Variants in ALK observed in about 807,000 individuals in gnomAD.
ALK encodes the protein ALK tyrosine kinase receptor.
In ALK, 74 loss-of-function variants were observed where a neutral mutation model predicts 163.1. That is an observed-to-expected ratio of 0.45 (90% CI 0.38 to 0.55). The LOEUF is 0.55. Among genes scored for constraint, ALK ranks in the 20% least tolerant of loss-of-function variants. ALK has a pLI of 0.00. For missense variants in ALK, 2,063 were observed against 2,105.3 expected (o/e 0.98, Z 0.39); for synonymous variants, 960 against 843.2 (o/e 1.14, Z -2.40).
At chr2:29,590,046 C>T (rs982273074) in intron 3 of ALK, among the ~76,000 whole-genome samples, 1 of 152,198 alleles carries the variant, frequency 6.6e-6, no homozygotes, top group Non-Finnish European at 1.5e-5. Context: ...ACACTGCCCA[C>T]CCACAGCCAA....
rs1355568113 is a variant in ALK at position 29,192,824 on chromosome 2, G to C, written c.*400C>G. ...TTTCCGTTCCCTCTCCCCTCAAATG[G>C]CTCATGTCCACATCAACAAGGCAAG... On this transcript the variant is annotated 3_prime_UTR_variant, in exon 29 of 29. Coordinates refer to ENST00000389048, the MANE Select transcript of ALK (RefSeq NM_004304.5). 3.0e-6 allele frequency: 1 copy of C among 336,958 alleles called. No individual in the cohort carries two copies. The highest frequency in any genetic ancestry group is 5.5e-6 in the Non-Finnish European group (1 of 180,796). 20.9% of individuals were successfully genotyped at this position (336,958 alleles called of 1,614,324 possible).
intron 3 of ALK, among the ~76,000 whole-genome samples, chr2:29,689,052 C>T (rs186112099): frequency 4.1e-4 from 62 of 152,292 alleles, no homozygotes; most frequent in African/African-American, 1.5e-3. Context: ...ACAGCCTGTC[C>T]TCATCTATGA....
At position 29,883,147 on chromosome 2, in the gene ALK, G is replaced by GAAAAAT. The variant is rs1666907466; in HGVS notation, c.667+36845_667+36846insATTTTT. Among the ~76,000 whole-genome samples the GAAAAAT allele has an allele frequency of 2.6e-5, 4 of 151,564 alleles. No individual in the cohort carries two copies. In the South Asian group the frequency reaches 8.4e-4, roughly 32 times the overall value. On this transcript the variant is annotated intron_variant, in intron 1 of 28. Transcript: ENST00000389048. ...GGAAGGTAAAAGAAAAAAAGAAAAA[G>GAAAAAT]AAAAAGAAAAGAGGAAAGGAAAGGA...
chr2:29,348,432 A>C (rs185927015), intron 5 of ALK, among the ~76,000 whole-genome samples: 16 of 152,318 alleles, frequency 1.1e-4, no homozygotes, highest in African/African-American at 3.4e-4. Flanking sequence ...AAGGCTCTAC[A>C]ACTTGGACAA....
chr2:29,885,294 G>A (rs562243488), intron 1 of ALK, among the ~76,000 whole-genome samples: 52 of 152,220 alleles, frequency 3.4e-4, no homozygotes, highest in South Asian at 2.7e-3. Flanking sequence ...AGATCAGGGG[G>A]TCACAAGGAC....
Position 29,613,583 on chromosome 2 carries a change from G to A in ALK, c.952+81267C>T, listed in dbSNP as rs990302735. 4.6e-5 allele frequency among the ~76,000 whole-genome samples: 7 copies of A among 152,266 alleles called. No homozygotes were observed. In the East Asian group the frequency reaches 9.6e-4, roughly 21 times the overall value. On this transcript the variant is annotated intron_variant, in intron 3 of 28. Transcript: ENST00000389048. ...CTGACATGCAGTCTTTAGCCAGGGC[G>A]TATGTCACACAGGTACACAAGCACT... is the stretch of plus-strand genomic sequence containing the variant.
At chr2:29,706,447 C>T (rs1678914364) in intron 2 of ALK, among the ~76,000 whole-genome samples, 2 of 152,240 alleles carry the variant, frequency 1.3e-5, no homozygotes, top group African/African-American at 4.8e-5. Context: ...AACCACTGTT[C>T]ATTTGTCATA....
chr2:29,787,349 T>C (rs1182874665), intron 1 of ALK, among the ~76,000 whole-genome samples: 2 of 152,210 alleles, frequency 1.3e-5, no homozygotes, highest in African/African-American at 2.4e-5. Context: ...CTTTATTCCT[T>C]AAGCTACTTA....
chr2:29,693,395 G>C (rs1234397076), intron 3 of ALK, among the ~76,000 whole-genome samples: 1 of 135,098 alleles, frequency 7.4e-6, no homozygotes, highest in African/African-American at 2.7e-5. Context: ...GTCAGGTTAA[G>C]AGCACTCACC....
At chr2:29,585,771 T>C (rs1254453580) in intron 3 of ALK, among the ~76,000 whole-genome samples, 1 of 152,170 alleles carries the variant, frequency 6.6e-6, no homozygotes, top group East Asian at 1.9e-4. Context: ...TTTTAGCATC[T>C]TCTCAGGGTT....
intron 4 of ALK, among the ~76,000 whole-genome samples, chr2:29,466,354 GACAC>G (rs200634195): frequency 2.0e-4 from 30 of 151,728 alleles, no homozygotes; most frequent in African/African-American, 7.3e-4. Flanking sequence ...CACACACATA[GACAC>G]ACACACACTC....
intron 4 of ALK, among the ~76,000 whole-genome samples, chr2:29,467,892 C>T (rs765647928): frequency 3.7e-4 from 56 of 152,210 alleles, no homozygotes; most frequent in Middle Eastern, 6.8e-3. Context: ...AGGTTATTTA[C>T]ACCAATATTG....
intron 4 of ALK, among the ~76,000 whole-genome samples, chr2:29,446,056 G>A (rs1278833168): frequency 9.1e-6 from 1 of 109,446 alleles, no homozygotes; most frequent in East Asian, 3.0e-4. Flanking sequence ...CCGAGATCCC[G>A]CCACTGCACT....
intron 24 of ALK, among the ~76,000 whole-genome samples, chr2:29,211,180 G>A (rs1302332876): frequency 6.6e-6 from 1 of 152,196 alleles, no homozygotes; most frequent in East Asian, 1.9e-4. Context: ...GGTTCAGGTA[G>A]GAGATTCATG....
intron 28 of ALK, among the ~76,000 whole-genome samples, chr2:29,194,477 C>T (rs1668974144): frequency 6.6e-6 from 1 of 152,044 alleles, no homozygotes; most frequent in Non-Finnish European, 1.5e-5. Context: ...CACATCATCA[C>T]ATGTGCAGGT....
intron 1 of ALK, among the ~76,000 whole-genome samples, chr2:29,858,554 G>A (rs1443173192): frequency 6.7e-6 from 1 of 149,148 alleles, no homozygotes; most frequent in Non-Finnish European, 1.5e-5. Context: ...CCAACGTGGC[G>A]AAACTCCGTC....
At chr2:29,654,130 A>G (rs1269888578) in intron 3 of ALK, among the ~76,000 whole-genome samples, 2 of 152,216 alleles carry the variant, frequency 1.3e-5, no homozygotes, top group African/African-American at 4.8e-5. Context: ...TGTCACTGGC[A>G]TAGTCCAACA....
chr2:29,598,804 AT>A (rs1379700192), intron 3 of ALK, among the ~76,000 whole-genome samples: 5 of 152,210 alleles, frequency 3.3e-5, no homozygotes, highest in Non-Finnish European at 7.3e-5. Flanking sequence ...AGTATATTTG[AT>A]GAATATTCTA....
chr2:29,418,125 A>G (rs1457372786), intron 4 of ALK, among the ~76,000 whole-genome samples: 2 of 152,140 alleles, frequency 1.3e-5, no homozygotes, highest in East Asian at 1.9e-4. Context: ...GTCCTTTAAC[A>G]TTTTGATTTG....
Sources: gnomAD v4.1 joint callset for allele counts (sites outside exome capture counted in the v4.1 genomes callset) on GRCh38, gnomAD v4.1.1 for gene constraint, MANE v1.5 for transcripts, NCBI Gene and HGNC (gene_info 2026-07-23, HGNC 2026-07-21) for gene names.